The following MTREX variants were observed in gnomAD, a reference collection of about 807,000 sequenced individuals.
MTREX encodes exosome RNA helicase MTR4.
Under a neutral mutation model 135.4 loss-of-function variants are expected in MTREX, and 76 were observed. The ratio of observed to expected loss-of-function variants is 0.56; its 90% CI spans 0.47 to 0.68. The LOEUF (loss-of-function observed/expected upper bound fraction) is 0.68. Among genes scored for constraint, MTREX ranks in the 30% least tolerant of loss-of-function variants. The probability of loss-of-function intolerance (pLI) is 0.00; values close to 1 mark genes in which losing one functional copy is unlikely to be tolerated. For synonymous variants in MTREX, 404 were observed against 401.6 expected, an observed-to-expected ratio of 1.01 and a Z score of -0.07; for missense variants, 920 against 1,262.1, an observed-to-expected ratio of 0.73 and a Z score of 4.11.
chr5:55,322,555 A>T (rs1159872732), intron 2 of MTREX, 91 bp downstream of exon 2: 1 of 843,402 alleles, frequency 1.2e-6, no homozygotes, highest in African/African-American at 1.7e-5. Context: ...CTACTTAGAT[A>T]TATGCCCGTA....
At chr5:55,352,646 A>AGATG (rs1389233338) in intron 13 of MTREX, among the ~76,000 whole-genome samples, 1 of 152,186 alleles carries the variant, frequency 6.6e-6, no homozygotes, top group East Asian at 1.9e-4. Flanking sequence ...TGATGAACTA[A>AGATG]AATATTTTTA....
chr5:55,334,508 G>A (rs556942956), intron 5 of MTREX, among the ~76,000 whole-genome samples: 4 of 152,016 alleles, frequency 2.6e-5, no homozygotes, highest in South Asian at 2.1e-4. Context: ...TAGGACTAAC[G>A]TGTTGGTATC....
intron 8 of MTREX, among the ~76,000 whole-genome samples, chr5:55,344,125 C>G (rs2112061099): frequency 6.6e-6 from 1 of 152,210 alleles, no homozygotes; most frequent in African/African-American, 2.4e-5. Flanking sequence ...AGATCAAGTG[C>G]TGCTTTATAC....
intron 5 of MTREX, among the ~76,000 whole-genome samples, chr5:55,336,715 C>T (rs368012170): frequency 6.6e-6 from 1 of 152,234 alleles, no homozygotes; most frequent in East Asian, 1.9e-4. Context: ...TGCAGTAGGC[C>T]CTGTGGAACC....
chr5:55,374,092 TAC>T (rs1750252849), intron 16 of MTREX, among the ~76,000 whole-genome samples: 2 of 151,956 alleles, frequency 1.3e-5, no homozygotes, highest in Non-Finnish European at 2.9e-5. Flanking sequence ...ACCCTGTCTC[TAC>T]TAAAAATACA....
chr5:55,348,632 G>A (rs1749776488), intron 11 of MTREX, among the ~76,000 whole-genome samples: 1 of 152,070 alleles, frequency 6.6e-6, no homozygotes, highest in African/African-American at 2.4e-5. Context: ...TTTTCCATGA[G>A]TAAAAGTAAC....
Position 55,324,091 on chromosome 5 carries a change from AG to A in MTREX, c.273-40del, listed in dbSNP as rs1303010821. On this transcript the variant is annotated intron_variant, in intron 2 of 26. Transcript: ENST00000230640. ...GAGGCTTATTATCAAATTATAGAAAAGTAATTTGTTTTTGTGTAACTTTAAA... is the reference window on the plus strand; with the variant it reads ...GAGGCTTATTATCAAATTATAGAAAATAATTTGTTTTTGTGTAACTTTAAA... The A allele has an allele frequency of 3.5e-6, 5 of 1,413,470 alleles. No homozygotes were observed. The Admixed American group carries it at 8.9e-5, about 25-fold the overall frequency. The allele number at this position is 1,413,470 out of a possible 1,614,324, so 87.6% of individuals were successfully genotyped here. A position where few individuals can be genotyped will look rare whatever the true frequency, so the allele number is the denominator to read the frequency against.
In MTREX at chr5:55,358,718, G is replaced by T; in HGVS notation, c.1659+20G>T. 1 of 1,563,528 alleles carries T rather than the reference G, an allele frequency of 6.4e-7. No individual in the cohort carries two copies. The highest frequency in any genetic ancestry group is 8.6e-7 in the Non-Finnish European group (1 of 1,162,946). Reference sequence around the variant, plus strand: ...CTTAAGGTAACTACATTAAGATTGTGTACCTTTACCAAGAATTCCAGAAAT... The same window carrying T: ...CTTAAGGTAACTACATTAAGATTGTTTACCTTTACCAAGAATTCCAGAAAT... On this transcript the variant is annotated intron_variant, in intron 15 of 26. Transcript: ENST00000230640.
intron 23 of MTREX, among the ~76,000 whole-genome samples, chr5:55,412,413 C>T (rs776833898): frequency 2.6e-5 from 4 of 151,966 alleles, no homozygotes; most frequent in Non-Finnish European, 5.9e-5. Context: ...ATTAAGCACC[C>T]AATGTGGGCA....
At chr5:55,364,140 A>C (rs1335012209) in intron 15 of MTREX, among the ~76,000 whole-genome samples, 1 of 152,212 alleles carries the variant, frequency 6.6e-6, no homozygotes, top group African/African-American at 2.4e-5. Flanking sequence ...CTAAAAAGAA[A>C]GAATGATACT....
intron 13 of MTREX, among the ~76,000 whole-genome samples, chr5:55,352,057 TG>T (rs1353803946): frequency 3.3e-5 from 5 of 151,988 alleles, no homozygotes; most frequent in Admixed American, 6.6e-5. Context: ...TTTTTGTTTT[TG>T]TTTTTTTGTA....
intron 18 of MTREX, among the ~76,000 whole-genome samples, chr5:55,387,226 T>C (rs1750494094): frequency 6.6e-6 from 1 of 152,138 alleles, no homozygotes; most frequent in Non-Finnish European, 1.5e-5. Flanking sequence ...AAATATGTTT[T>C]ATTCTTGTTA....
At chr5:55,360,551 C>T (rs1749991152) in intron 15 of MTREX, among the ~76,000 whole-genome samples, 1 of 152,108 alleles carries the variant, frequency 6.6e-6, no homozygotes, top group East Asian at 1.9e-4. Context: ...AGTAGTTGCA[C>T]CGTTTTACAT....
At chr5:55,368,336 A>G (rs1405172711) in intron 16 of MTREX, among the ~76,000 whole-genome samples, 1 of 152,162 alleles carries the variant, frequency 6.6e-6, no homozygotes, top group Non-Finnish European at 1.5e-5. Flanking sequence ...CTGTAATCCC[A>G]GCTACTTGGG....
Position 55,322,315 on chromosome 5 carries a change from T to A in MTREX, c.135-12T>A. On this transcript the variant is annotated splice_polypyrimidine_tract_variant and intron_variant, in intron 1 of 26. Coordinates refer to ENST00000230640, the MANE Select transcript of MTREX (RefSeq NM_015360.5). ...ATACTGCAGAATTCATTCCAAACTA[T>A]TTACTTTTCAGGAAACGTTTTGATG... 1 of 1,593,688 alleles carries A rather than the reference T, an allele frequency of 6.3e-7. No individual in the cohort carries two copies. Among genetic ancestry groups the A allele is most frequent in the Non-Finnish European group, 8.5e-7 (1 of 1,172,120 alleles).
intron 5 of MTREX, among the ~76,000 whole-genome samples, chr5:55,332,647 C>T (rs1749495627): frequency 6.6e-6 from 1 of 152,220 alleles, no homozygotes; most frequent in African/African-American, 2.4e-5. Flanking sequence ...TTGGGCCTAA[C>T]TTGTCCTTTT....
intron 24 of MTREX, 100 bp downstream of exon 24, chr5:55,414,338 A>G: frequency 1.1e-6 from 1 of 948,278 alleles, no homozygotes; most frequent in East Asian, 2.8e-5. Flanking sequence ...TTATCATTTC[A>G]CAGAGATAAC....
Position 55,343,398 on chromosome 5 carries a change from G to A in MTREX, c.849G>A (p.Ser283=), listed in dbSNP as rs374689113. Residue 283 remains serine (S), a synonymous_variant, in exon 8 of 27, where the codon TCG becomes TCA. Coordinates refer to ENST00000230640, the MANE Select transcript of MTREX (RefSeq NM_015360.5). The part of the protein sequence containing the change: ...LPDNVHYVFL[S]ATIPNARQFA... ...ATAACGTCCACTATGTCTTTCTTTC[G>A]GCTACTATTCCAAATGCCCGACAGT... 7 of 1,612,458 alleles carry A rather than the reference G, an allele frequency of 4.3e-6. No homozygotes were observed. Among genetic ancestry groups the A allele is most frequent in the East Asian group, 2.2e-5 (1 of 44,792 alleles).
chr5:55,384,687 T>C (rs147585600), intron 18 of MTREX, among the ~76,000 whole-genome samples: 136 of 152,316 alleles, frequency 8.9e-4, no homozygotes, highest in African/African-American at 3.2e-3. Context: ...AGTGTCGGGC[T>C]GGATTATTTG....
Sources: gnomAD v4.1 joint callset for allele counts (sites outside exome capture counted in the v4.1 genomes callset) on GRCh38, gnomAD v4.1.1 for gene constraint, MANE v1.5 for transcripts, NCBI Gene and HGNC (gene_info 2026-07-23, HGNC 2026-07-21) for gene names.